The following AEBP2 variants were observed in gnomAD, a reference collection of about 807,000 sequenced individuals.
AEBP2 encodes the protein AE binding protein 2, also known as zinc finger protein AEBP2.
AEBP2 carries 10 observed loss-of-function variants against 50.8 expected under a neutral mutation model. The observed-to-expected ratio is 0.20, with a 90% CI of 0.12 to 0.33. AEBP2 has a LOEUF of 0.33. AEBP2 is among the 10% of genes least tolerant of loss of function. The probability of loss-of-function intolerance (pLI) is 1.00; values close to 1 mark genes in which losing one functional copy is unlikely to be tolerated. For synonymous variants in AEBP2, 296 were observed against 261.3 expected, an observed-to-expected ratio of 1.13 and a Z score of -1.28; for missense variants, 570 against 688.0, an observed-to-expected ratio of 0.83 and a Z score of 1.92.
intron 3 of AEBP2, among the ~76,000 whole-genome samples, chr12:19,491,302 T>G (rs115284845): frequency 7.9e-5 from 12 of 152,340 alleles, no homozygotes; most frequent in African/African-American, 2.9e-4. Flanking sequence ...TTGAGGACCA[T>G]GCCATTCTTA....
chr12:19,506,904 GGGCAGCTCC>G (rs1223180544), intron 5 of AEBP2, among the ~76,000 whole-genome samples: 1 of 152,102 alleles, frequency 6.6e-6, no homozygotes, highest in Non-Finnish European at 1.5e-5. Context: ...TTTTTGGCCT[GGGCAGCTCC>G]GTGGCAGAGC....
chr12:19,453,338 G>A (rs1377670375), intron 1 of AEBP2, among the ~76,000 whole-genome samples: 1 of 151,584 alleles, frequency 6.6e-6, no homozygotes, highest in Non-Finnish European at 1.5e-5. Context: ...GGCTGGTCTC[G>A]AACTCTTGGC....
intron 2 of AEBP2, 115 bp downstream of exon 2, chr12:19,462,832 A>C: frequency 1.1e-6 from 1 of 892,010 alleles, no homozygotes; most frequent in East Asian, 2.7e-5. Flanking sequence ...ACACAGGCTT[A>C]GTTTTTTCAA....
upstream of AEBP2, among the ~76,000 whole-genome samples, chr12:19,437,841 G>T (rs1247408925): frequency 6.6e-6 from 1 of 152,108 alleles, no homozygotes; most frequent in Non-Finnish European, 1.5e-5. Flanking sequence ...TTGTCCAAAG[G>T]CCTAAGGCAG....
intron 2 of AEBP2, among the ~76,000 whole-genome samples, chr12:19,467,510 T>C (rs1187617947): frequency 6.6e-6 from 1 of 151,862 alleles, no homozygotes; most frequent in Non-Finnish European, 1.5e-5. Context: ...GCCCGCCTAG[T>C]CTCGAACACC....
At chr12:19,410,654 CA>C (rs1435127927) in intron 1 of AEBP2, among the ~76,000 whole-genome samples, 1 of 152,122 alleles carries the variant, frequency 6.6e-6, no homozygotes, top group African/African-American at 2.4e-5. Flanking sequence ...AGAGACCCTA[CA>C]AAATCCTGGT....
chr12:19,417,096 C>T (rs1325743112), intron 1 of AEBP2, among the ~76,000 whole-genome samples: 1 of 151,034 alleles, frequency 6.6e-6, no homozygotes, highest in Non-Finnish European at 1.5e-5. Context: ...TGGTCTCGAT[C>T]TCCTGATCTC....
upstream of AEBP2, among the ~76,000 whole-genome samples, chr12:19,438,837 G>T (rs1947889343): frequency 6.6e-6 from 1 of 152,180 alleles, no homozygotes; most frequent in Non-Finnish European, 1.5e-5. Flanking sequence ...ATTAGTGGGT[G>T]TTAAATCCCT....
At chr12:19,483,044 G>T (rs1224988606) in intron 3 of AEBP2, among the ~76,000 whole-genome samples, 1 of 152,136 alleles carries the variant, frequency 6.6e-6, no homozygotes, top group Non-Finnish European at 1.5e-5. Context: ...CTCTGCGCTG[G>T]TATCTGCAGC....
At chr12:19,444,956 G>A (rs376698729) in intron 1 of AEBP2, among the ~76,000 whole-genome samples, 6 of 152,074 alleles carry the variant, frequency 3.9e-5, no homozygotes, top group Admixed American at 2.0e-4. Flanking sequence ...GTGCAGTGGC[G>A]CGATCTCAGC....
intron 3 of AEBP2, among the ~76,000 whole-genome samples, chr12:19,476,585 G>A (rs11044590): frequency 0.021 from 3,244 of 152,166 alleles, 41 homozygotes; most frequent in East Asian, 0.042. Flanking sequence ...CAAGTGATCC[G>A]CCCGCCTTAG....
chr12:19,428,761 C>T (rs949411106), intron 1 of AEBP2, among the ~76,000 whole-genome samples: 6 of 151,526 alleles, frequency 4.0e-5, no homozygotes, highest in Admixed American at 2.6e-4. Context: ...TACAGTGAGC[C>T]GACATCACAC....
At chr12:19,442,685 T>A (rs80229520) in intron 1 of AEBP2, among the ~76,000 whole-genome samples, 7,343 of 152,338 alleles carry the variant, frequency 0.048, 390 homozygotes, top group Admixed American at 0.15. Flanking sequence ...TACAGAATAC[T>A]GTTTTTAATG....
rs1026960909 is a variant in AEBP2 at position 19,439,906 on chromosome 12, C to T, written c.207C>T (p.Gly69=). The T allele has an allele frequency of 2.6e-5, 39 of 1,479,620 alleles. No homozygotes were observed. The Admixed American group carries it at 8.1e-4, about 31-fold the overall frequency. 91.7% of individuals were successfully genotyped at this position (1,479,620 alleles called of 1,614,324 possible). ...GCGGCAGCGGTGGGGGCGGCGGAGG[C>T]GGCGGCGGAGGAGTGGGGGGCGGCG... ...LNGGSGGGGG[G]GGGGVGGGEA... The change falls in exon 1 of 8, where the codon GGC becomes GGT. Residue 69 remains glycine, a synonymous_variant. Transcript: ENST00000266508.
intron 4 of AEBP2, among the ~76,000 whole-genome samples, chr12:19,495,621 A>G (rs771809798): frequency 6.6e-6 from 1 of 150,558 alleles, no homozygotes; most frequent in African/African-American, 2.4e-5. Context: ...GGCTTACCGC[A>G]GTTTCAGACT....
At chr12:19,501,802 T>TTGTTTTTG (rs1565733898) in intron 5 of AEBP2, among the ~76,000 whole-genome samples, 1 of 143,774 alleles carries the variant, frequency 7.0e-6, no homozygotes. Flanking sequence ...AGTTTGTTTT[T>TTGTTTTTG]TTTTTTTTTT....
chr12:19,451,909 T>C (rs1948171685), intron 1 of AEBP2, among the ~76,000 whole-genome samples: 1 of 152,108 alleles, frequency 6.6e-6, no homozygotes. Flanking sequence ...TATTTATTTT[T>C]GAGATGGATT....
Position 19,439,894 on chromosome 12 carries a change from GGGCGGCGGAGGC to G in AEBP2, c.207_218del (p.Gly70_Gly73del), listed in dbSNP as rs558021601. On this transcript the variant is annotated inframe_deletion, in exon 1 of 8. Coordinates refer to ENST00000266508, the MANE Select transcript of AEBP2 (RefSeq NM_153207.5). ...TGCTGCTGAACGGCGGCAGCGGTGG[GGGCGGCGGAGGC>G]GGCGGCGGAGGAGTGGGGGGCGGCG... 1,752 of 1,489,790 alleles carry G rather than the reference GGGCGGCGGAGGC, an allele frequency of 1.2e-3. 28 individuals are homozygous for G. The South Asian group carries it at 0.012, about 11-fold the overall frequency. The allele number at this position is 1,489,790 out of a possible 1,614,324, so 92.3% of individuals were successfully genotyped here. A position where few individuals can be genotyped will look rare whatever the true frequency, so the allele number is the denominator to read the frequency against.
intron 4 of AEBP2, among the ~76,000 whole-genome samples, chr12:19,497,063 C>A (rs1254177597): frequency 6.6e-6 from 1 of 150,546 alleles, no homozygotes; most frequent in African/African-American, 2.4e-5. Context: ...TTTAAATATA[C>A]TTTAAAGTGG....
Sources: gnomAD v4.1 joint callset for allele counts (sites outside exome capture counted in the v4.1 genomes callset) on GRCh38, gnomAD v4.1.1 for gene constraint, MANE v1.5 for transcripts, NCBI Gene and HGNC (gene_info 2026-07-23, HGNC 2026-07-21) for gene names.